The following BMPER variants were observed in gnomAD, a reference collection of about 807,000 sequenced individuals.
The protein encoded by BMPER is BMP binding endothelial regulator.
Under a neutral mutation model 87.3 loss-of-function variants are expected in BMPER, and 45 were observed. The ratio of observed to expected loss-of-function variants is 0.52; its 90% CI spans 0.41 to 0.66. The LOEUF (loss-of-function observed/expected upper bound fraction) is 0.66. BMPER is among the 30% of genes least tolerant of loss of function. The pLI is 0.00. For synonymous variants in BMPER, 326 were observed against 316.2 expected (o/e 1.03, Z -0.33); for missense variants, 784 against 867.5 (o/e 0.90, Z 1.21).
Position 33,937,408 on chromosome 7 carries a change from T to C in BMPER, c.319+20T>C. On this transcript the variant is annotated intron_variant, in intron 3 of 14. Transcript: ENST00000649409. The stretch of plus-strand genomic sequence containing the variant: ...GCAAAGGTGATTGATGTCTTGGCCG[T>C]CTTCTCTTCTGGCTGCTGCTTCAGG... The C allele has an allele frequency of 6.2e-7, 1 of 1,607,328 alleles. No homozygotes were observed. Among genetic ancestry groups the C allele is most frequent in the Admixed American group, 1.7e-5 (1 of 60,008 alleles).
intron 6 of BMPER, among the ~76,000 whole-genome samples, chr7:34,008,305 A>G (rs1323849165): frequency 6.6e-6 from 1 of 151,920 alleles, no homozygotes; most frequent in Non-Finnish European, 1.5e-5. Flanking sequence ...GACATGTGTG[A>G]CATTTCTCAA....
chr7:34,113,028 A>G (rs1364658639), intron 13 of BMPER, among the ~76,000 whole-genome samples: 1 of 151,466 alleles, frequency 6.6e-6, no homozygotes, highest in African/African-American at 2.4e-5. Flanking sequence ...TATATATAAA[A>G]AATACAAAAT....
At chr7:33,996,737 A>G (rs549342557) in intron 6 of BMPER, among the ~76,000 whole-genome samples, 1 of 152,334 alleles carries the variant, frequency 6.6e-6, no homozygotes, top group African/African-American at 2.4e-5. Context: ...TTAATTTTCC[A>G]TTAAAATAAG....
intron 6 of BMPER, among the ~76,000 whole-genome samples, chr7:34,025,706 A>G (rs368743361): frequency 3.3e-5 from 5 of 152,050 alleles, no homozygotes; most frequent in African/African-American, 7.2e-5. Flanking sequence ...GGGAGACTCA[A>G]TTAGCACTTA....
At chr7:34,104,079 A>G (rs527594581) in intron 13 of BMPER, among the ~76,000 whole-genome samples, 1 of 152,350 alleles carries the variant, frequency 6.6e-6, no homozygotes, top group South Asian at 2.1e-4. Flanking sequence ...TCCACTGGAC[A>G]TGCCTTTGTT....
intron 2 of BMPER, among the ~76,000 whole-genome samples, chr7:33,913,080 A>C (rs1784000362): frequency 6.6e-6 from 1 of 152,210 alleles, no homozygotes; most frequent in Admixed American, 6.5e-5. Context: ...GGAGTGACAG[A>C]AAAGCACTGT....
intron 2 of BMPER, among the ~76,000 whole-genome samples, chr7:33,922,834 A>G (rs1425318007): frequency 6.6e-6 from 1 of 152,128 alleles, no homozygotes. Flanking sequence ...TTTTTTTACT[A>G]ATGATGATGT....
At chr7:33,909,317 A>T (rs998458972) in intron 2 of BMPER, among the ~76,000 whole-genome samples, 2 of 152,200 alleles carry the variant, frequency 1.3e-5, no homozygotes, top group Admixed American at 6.5e-5. Flanking sequence ...CATAAGAAAC[A>T]GCCTATTTGT....
At chr7:33,911,004 CAGAG>C (rs938731223) in intron 2 of BMPER, among the ~76,000 whole-genome samples, 10 of 152,118 alleles carry the variant, frequency 6.6e-5, no homozygotes, top group South Asian at 6.2e-4. Context: ...ACGTGTGAAA[CAGAG>C]AGAGAGAAGA....
intron 13 of BMPER, among the ~76,000 whole-genome samples, chr7:34,123,864 G>A (rs912122101): frequency 2.0e-5 from 3 of 152,166 alleles, no homozygotes; most frequent in African/African-American, 7.2e-5. Flanking sequence ...AGGAATGCAT[G>A]TAGACTTCTT....
At position 34,018,615 on chromosome 7, in the gene BMPER, C is replaced by T. The variant is rs139710872; in HGVS notation, c.577-27691C>T. On this transcript the variant is annotated intron_variant, in intron 6 of 14. Coordinates refer to ENST00000649409, the MANE Select transcript of BMPER (RefSeq NM_001365308.1). ...TTTCCAATCTGAAATGTGGCTTGCA[C>T]TTGGTGAATGCTTCGAGTTTCTGAT... Among the ~76,000 whole-genome samples, 51 of 152,000 alleles carry T rather than the reference C, an allele frequency of 3.4e-4. 1 individual carries two copies. The highest frequency in any genetic ancestry group is 1.2e-3 in the African/African-American group (50 of 41,500).
At chr7:33,988,765 CT>C (rs1786097199) in intron 6 of BMPER, among the ~76,000 whole-genome samples, 2 of 106,810 alleles carry the variant, frequency 1.9e-5, no homozygotes, top group Non-Finnish European at 3.6e-5. Flanking sequence ...TCCCTCCCCC[CT>C]CCCCCCACCC....
At chr7:33,917,833 C>T (rs1404338401) in intron 2 of BMPER, among the ~76,000 whole-genome samples, 2 of 152,210 alleles carry the variant, frequency 1.3e-5, no homozygotes, top group South Asian at 2.1e-4. Context: ...TTTTTAGACC[C>T]TGTGTGGTCA....
chr7:33,970,674 G>A (rs1417343397), intron 5 of BMPER, among the ~76,000 whole-genome samples: 1 of 152,190 alleles, frequency 6.6e-6, no homozygotes, highest in Non-Finnish European at 1.5e-5. Flanking sequence ...CAGGGCCACA[G>A]GTAATGCTTA....
chr7:33,926,294 T>C (rs1188699623), intron 2 of BMPER, among the ~76,000 whole-genome samples: 1 of 152,250 alleles, frequency 6.6e-6, no homozygotes, highest in African/African-American at 2.4e-5. Context: ...CACATGTTTC[T>C]AATAGCCATT....
intron 6 of BMPER, among the ~76,000 whole-genome samples, chr7:33,994,712 A>T (rs531411332): frequency 3.3e-5 from 5 of 152,148 alleles, no homozygotes; most frequent in African/African-American, 1.2e-4. Context: ...GATGGATTCT[A>T]TGTGCCATGG....
At chr7:34,107,704 T>C (rs1789857822) in intron 13 of BMPER, among the ~76,000 whole-genome samples, 1 of 152,198 alleles carries the variant, frequency 6.6e-6, no homozygotes, top group South Asian at 2.1e-4. Context: ...AGACTGCTTT[T>C]TATTTCATGT....
At chr7:34,016,798 A>G (rs975142183) in intron 6 of BMPER, among the ~76,000 whole-genome samples, 4 of 151,942 alleles carry the variant, frequency 2.6e-5, no homozygotes, top group Non-Finnish European at 5.9e-5. Context: ...CCAACAGAAA[A>G]AACCTTTTTT....
chr7:34,091,586 T>G (rs1562738024), intron 13 of BMPER, among the ~76,000 whole-genome samples: 2 of 152,234 alleles, frequency 1.3e-5, no homozygotes, highest in African/African-American at 4.8e-5. Flanking sequence ...TAATTCACCG[T>G]GTCTACAAAC....
Sources: allele counts gnomAD v4.1 joint callset (sites outside exome capture counted in the v4.1 genomes callset), GRCh38; gene constraint gnomAD v4.1.1; transcripts MANE v1.5; gene names NCBI Gene and HGNC (gene_info 2026-07-23, HGNC 2026-07-21).